CD2: variants seen among roughly 807,000 people sequenced by gnomAD.
The protein encoded by CD2 is CD2 molecule.
CD2 carries 18 observed loss-of-function variants against 23.2 expected under a neutral mutation model. The ratio of observed to expected loss-of-function variants is 0.77; its 90% CI spans 0.54 to 1.15. CD2 has a LOEUF of 1.15. Ranked by LOEUF, CD2 falls within the 50% of genes most tolerant of loss-of-function variation. The pLI, the probability that CD2 is intolerant of heterozygous loss-of-function variation, is 0.00. For synonymous variants in CD2, 162 were observed against 151.9 expected (o/e 1.07, Z -0.49); for missense variants, 424 against 423.1 (o/e 1.00, Z -0.02).
rs1652316617 is a variant in CD2, at chr1:116,769,066, C to T, written c.*283C>T. On this transcript the variant is annotated 3_prime_UTR_variant, in exon 5 of 5. Coordinates refer to ENST00000369478, the MANE Select transcript of CD2 (RefSeq NM_001767.5). ...CACAGAAATCTTAGAGATTTCTTGT[C>T]CCCTCTCAGGTCATGTGTAGATGCG... The T allele has an allele frequency of 4.6e-5, 18 of 391,880 alleles. No homozygotes were observed. In the South Asian group the frequency reaches 7.5e-4, roughly 16 times the overall value. 24.3% of individuals were successfully genotyped at this position (391,880 alleles called of 1,614,324 possible).
chr1:116,755,143 C>A (rs746818868), intron 2 of CD2, 192 bp downstream of exon 2: 40 of 594,736 alleles, frequency 6.7e-5, no homozygotes, highest in Non-Finnish European at 1.1e-4. Flanking sequence ...ATCTGATAGA[C>A]CCTCAAGTCT....
chr1:116,755,310 C>T (rs1412093193), intron 2 of CD2, among the ~76,000 whole-genome samples: 5 of 152,066 alleles, frequency 3.3e-5, no homozygotes, highest in East Asian at 1.9e-4. Flanking sequence ...AAGAGTGGGG[C>T]GAGAAGAAGA....
chr1:116,764,693 G>C (rs893213709), intron 4 of CD2, 87 bp downstream of exon 4: 1 of 957,946 alleles, frequency 1.0e-6, no homozygotes, highest in Non-Finnish European at 1.7e-6. Flanking sequence ...AATCTGCAGA[G>C]AAAATGATGG....
At chr1:116,760,259 T>C in intron 2 of CD2, 143 bp from the exon 3 acceptor site, 1 of 634,230 alleles carries the variant, frequency 1.6e-6, no homozygotes, top group Non-Finnish European at 2.8e-6. Context: ...TAAAATAAAA[T>C]AAAATAATTT....
chr1:116,762,931 T>A (rs1345903147), intron 3 of CD2, among the ~76,000 whole-genome samples: 1 of 152,128 alleles, frequency 6.6e-6, no homozygotes, highest in African/African-American at 2.4e-5. Flanking sequence ...CCCGATGACT[T>A]GGAGGGAAGA....
Position 116,766,231 on chromosome 1 carries a change from G to A in CD2, c.736+1625G>A, listed in dbSNP as rs115799256. Reference sequence around the variant, plus strand: ...AATTCCTGGGAGCACACATTTAGGCGCCAGCTGCAGCTGCTGGAGTGGGTA... The same window carrying A: ...AATTCCTGGGAGCACACATTTAGGCACCAGCTGCAGCTGCTGGAGTGGGTA... On this transcript the variant is annotated intron_variant, in intron 4 of 4. Transcript: ENST00000369478. 6.5e-3 allele frequency among the ~76,000 whole-genome samples: 984 copies of A among 152,296 alleles called. 6 individuals carry two copies. Among genetic ancestry groups the A allele is most frequent in the African/African-American group, 0.022 (924 of 41,560 alleles).
At chr1:116,755,512 C>G (rs866143256) in intron 2 of CD2, among the ~76,000 whole-genome samples, 2 of 152,272 alleles carry the variant, frequency 1.3e-5, no homozygotes, top group South Asian at 4.1e-4. Context: ...AGAAGATGCA[C>G]AAGGTGTGGC....
chr1:116,766,362 A>T (rs1206884404), intron 4 of CD2, among the ~76,000 whole-genome samples: 1 of 152,206 alleles, frequency 6.6e-6, no homozygotes, highest in Non-Finnish European at 1.5e-5. Context: ...GCTACACCCC[A>T]TTCCTCCTAC....
Position 116,760,425 on chromosome 1 carries a change from T to G in CD2, c.406T>G (p.Ser136Ala). Residue 136 changes from serine (S) to alanine (A), a missense_variant, in exon 3 of 5, where the codon TCC becomes GCC. Coordinates refer to ENST00000369478, the MANE Select transcript of CD2 (RefSeq NM_001767.5). ...IQERVSKPKISWTCINTTLTC... is the reference protein window; with the variant it reads ...IQERVSKPKIAWTCINTTLTC... Reference sequence around the variant, plus strand: ...AGAGAGGGTCTCAAAACCAAAGATCTCCTGGACTTGTATCAACACAACCCT... The same window carrying G: ...AGAGAGGGTCTCAAAACCAAAGATCGCCTGGACTTGTATCAACACAACCCT... 5.6e-6 allele frequency: 9 copies of G among 1,614,156 alleles called. No individual in the cohort carries two copies. Among genetic ancestry groups the G allele is most frequent in the Non-Finnish European group, 7.6e-6 (9 of 1,180,014 alleles).
chr1:116,764,818 G>A (rs981752033), intron 4 of CD2: 3 of 559,756 alleles, frequency 5.4e-6, no homozygotes, highest in Admixed American at 3.1e-5. Flanking sequence ...TGGGAGCTTT[G>A]AGACACTGAA....
At position 116,754,712 on chromosome 1, in the gene CD2, T is replaced by G; in HGVS notation, c.143T>G (p.Phe48Cys). ...GACATCAACTTGGACATTCCTAGTT[T>G]TCAAATGAGTGATGATATTGACGAT... ...GQDINLDIPS[F>C]QMSDDIDDIK... The change falls in exon 2 of 5, where the codon TTT becomes TGT. Residue 48 changes from phenylalanine (F) to cysteine (C), a missense_variant. Phe to Cys is a radical substitution (Grantham distance 205). Transcript: ENST00000369478. 6.2e-7 allele frequency: 1 copy of G among 1,613,132 alleles called. No individual in the cohort carries two copies. Among genetic ancestry groups the G allele is most frequent in the Non-Finnish European group, 8.5e-7 (1 of 1,179,658 alleles).
intron 3 of CD2, 95 bp downstream of exon 3, chr1:116,760,727 C>T: frequency 1.1e-6 from 1 of 923,418 alleles, no homozygotes; most frequent in Non-Finnish European, 1.7e-6. Context: ...TGCTGGGAGG[C>T]AGCCCTGGCT....
chr1:116,763,881 G>C (rs1652130813), intron 3 of CD2, among the ~76,000 whole-genome samples: 1 of 152,140 alleles, frequency 6.6e-6, no homozygotes, highest in Non-Finnish European at 1.5e-5. Flanking sequence ...CGTGGCTCCA[G>C]GGAAACTCTG....
Position 116,768,955 on chromosome 1 carries a change from G to A in CD2, c.*172G>A. 1.5e-6 allele frequency: 1 copy of A among 648,324 alleles called. No individual in the cohort carries two copies. Among genetic ancestry groups the A allele is most frequent in the Non-Finnish European group, 2.6e-6 (1 of 379,206 alleles). The allele number at this position is 648,324 out of a possible 1,614,324, so 40.2% of individuals were successfully genotyped here. A position where few individuals can be genotyped will look rare whatever the true frequency, so the allele number is the denominator to read the frequency against. On this transcript the variant is annotated 3_prime_UTR_variant, in exon 5 of 5. Transcript: ENST00000369478. ...GAACTCAGCCATGTGGTCAACATCT[G>A]GAGTTTTTGGTCTCCTCAGAGAGCT...
Position 116,760,634 on chromosome 1 carries a change from T to C in CD2, c.613+2T>C. The C allele has an allele frequency of 6.2e-7, 1 of 1,612,508 alleles. No homozygotes were observed. Among genetic ancestry groups the C allele is most frequent in the Non-Finnish European group, 8.5e-7 (1 of 1,178,574 alleles). ...GTGTCGAGCCTGTCAGCTGTCCAGG[T>C]GCGTGGCGGGCATCACTTCACAAAC... On this transcript the variant is annotated splice_donor_variant, in intron 3 of 4. Coordinates refer to ENST00000369478, the MANE Select transcript of CD2 (RefSeq NM_001767.5). LOFTEE classifies it high-confidence loss of function.
chr1:116,768,845 A>G lies in CD2; in HGVS notation c.*62A>G. 4.8e-6 allele frequency: 7 copies of G among 1,468,756 alleles called. No individual in the cohort carries two copies. Among genetic ancestry groups the G allele is most frequent in the Non-Finnish European group, 6.5e-6 (7 of 1,077,692 alleles). The allele number at this position is 1,468,756 out of a possible 1,614,324, so 91.0% of individuals were successfully genotyped here. A position where few individuals can be genotyped will look rare whatever the true frequency, so the allele number is the denominator to read the frequency against. ...GTGGATTTCTGCCCTCCTGATGTGC[A>G]TATCCGTACTTCCATGAGGTGTTTT... On this transcript the variant is annotated 3_prime_UTR_variant, in exon 5 of 5. Coordinates refer to ENST00000369478, the MANE Select transcript of CD2 (RefSeq NM_001767.5).
intron 2 of CD2, among the ~76,000 whole-genome samples, chr1:116,757,777 G>GA (rs1557915913): frequency 0.049 from 6,669 of 135,792 alleles, 194 homozygotes; most frequent in Admixed American, 0.079. Context: ...AGAGAGAGAG[G>GA]CAGACAGAAA....
chr1:116,759,017 C>T lies in CD2; in HGVS notation c.383-1385C>T, dbSNP rs185135842. Among the ~76,000 whole-genome samples, 316 of 152,164 alleles carry T rather than the reference C, an allele frequency of 2.1e-3. 3 individuals are homozygous for T. The highest frequency in any genetic ancestry group is 2.6e-3 in the Non-Finnish European group (175 of 67,992). On this transcript the variant is annotated intron_variant, in intron 2 of 4. Coordinates refer to ENST00000369478, the MANE Select transcript of CD2 (RefSeq NM_001767.5). Reference sequence around the variant, plus strand: ...CATTCAATTTGTCCATACACTAAAACGGCCTTTAGTATATTCAGAGTTTTG... The same window carrying T: ...CATTCAATTTGTCCATACACTAAAATGGCCTTTAGTATATTCAGAGTTTTG...
intron 3 of CD2, among the ~76,000 whole-genome samples, chr1:116,762,421 T>C (rs555227111): frequency 6.6e-6 from 1 of 152,252 alleles, no homozygotes; most frequent in African/African-American, 2.4e-5. Context: ...CCTTACTCTA[T>C]GGTGCAGAGC....
Sources: gnomAD v4.1 joint callset for allele counts (sites outside exome capture counted in the v4.1 genomes callset) on GRCh38, gnomAD v4.1.1 for gene constraint, MANE v1.5 for transcripts, NCBI Gene and HGNC (gene_info 2026-07-23, HGNC 2026-07-21) for gene names.